The following MYO6 variants were observed in gnomAD, a reference collection of about 807,000 sequenced individuals.
The protein encoded by MYO6 is unconventional myosin-VI.
Under a neutral mutation model 178.7 loss-of-function variants are expected in MYO6, and 74 were observed. The observed-to-expected ratio is 0.41, with a 90% CI of 0.34 to 0.50. The LOEUF is 0.50. MYO6 is among the 20% of genes least tolerant of loss of function. The pLI, the probability that MYO6 is intolerant of heterozygous loss-of-function variation, is 0.09. For missense variants in MYO6, 1,330 were observed against 1,547.4 expected, an observed-to-expected ratio of 0.86 and a Z score of 2.36; for synonymous variants, 477 against 504.6, an observed-to-expected ratio of 0.95 and a Z score of 0.73.
chr6:75,916,721 G>GT lies in MYO6; in HGVS notation c.*1715dup, dbSNP rs1314020633. On this transcript the variant is annotated 3_prime_UTR_variant, in exon 35 of 35. Transcript: ENST00000369977. ...TTGAACAAAATTTAGTAGCCAAATT[G>GT]TTTTTTAATGACATGTCTCTTTAGT... 6.6e-6 allele frequency: 1 copy of GT among 152,208 alleles called. No individual in the cohort carries two copies. 9.4% of individuals were successfully genotyped at this position (152,208 alleles called of 1,614,324 possible).
At chr6:75,760,698 A>G (rs900467822) in intron 1 of MYO6, among the ~76,000 whole-genome samples, 7 of 151,682 alleles carry the variant, frequency 4.6e-5, no homozygotes, top group African/African-American at 1.5e-4. Context: ...AATCAACTGA[A>G]TAACACCTGT....
intron 20 of MYO6, among the ~76,000 whole-genome samples, chr6:75,878,028 A>C (rs925693752): frequency 6.6e-6 from 1 of 152,196 alleles, no homozygotes; most frequent in East Asian, 1.9e-4. Flanking sequence ...TCTTTCTCCA[A>C]GCAAAGCCTA....
intron 5 of MYO6, among the ~76,000 whole-genome samples, chr6:75,831,914 G>A (rs997608461): frequency 4.0e-5 from 6 of 151,222 alleles, no homozygotes; most frequent in Non-Finnish European, 5.9e-5. Context: ...AGAAAAAAGC[G>A]CTGCTGATAA....
chr6:75,882,845 G>A (rs1372676785), intron 23 of MYO6, among the ~76,000 whole-genome samples: 1 of 152,110 alleles, frequency 6.6e-6, no homozygotes, highest in Admixed American at 6.5e-5. Flanking sequence ...AAGGTGAAAT[G>A]CATAAACACA....
At chr6:75,911,615 T>A in intron 32 of MYO6, 57 bp from the exon 33 acceptor site, 5 of 1,452,018 alleles carry the variant, frequency 3.4e-6, no homozygotes, top group Non-Finnish European at 4.8e-6. Flanking sequence ...AGAAAAATGC[T>A]CATTTAACAG....
chr6:75,844,077 G>T (rs1346453136), intron 9 of MYO6, among the ~76,000 whole-genome samples: 2 of 152,002 alleles, frequency 1.3e-5, no homozygotes, highest in African/African-American at 4.8e-5. Flanking sequence ...ATGTCTTTAG[G>T]CTGTGTGTAA....
At position 75,916,403 on chromosome 6, in the gene MYO6, T is replaced by C. The variant is rs1781122112; in HGVS notation, c.*1391T>C. 2 of 152,630 alleles carry C rather than the reference T, an allele frequency of 1.3e-5. No individual in the cohort carries two copies. Among genetic ancestry groups the C allele is most frequent in the South Asian group, 2.1e-4 (1 of 4,832 alleles). 9.5% of individuals were successfully genotyped at this position (152,630 alleles called of 1,614,324 possible). Reference sequence around the variant, plus strand: ...TCTTCAGAATTGCTTCTCTCATGTCTTAGTAGAGAAATATTTATTTATTAT... The same window carrying C: ...TCTTCAGAATTGCTTCTCTCATGTCCTAGTAGAGAAATATTTATTTATTAT... On this transcript the variant is annotated 3_prime_UTR_variant, in exon 35 of 35. Transcript: ENST00000369977.
intron 1 of MYO6, among the ~76,000 whole-genome samples, chr6:75,808,191 C>T (rs1398718021): frequency 6.6e-6 from 1 of 152,116 alleles, no homozygotes; most frequent in African/African-American, 2.4e-5. Flanking sequence ...AATAAAATAC[C>T]ACAAACGTTT....
At chr6:75,905,189 GC>G (rs1329221657) in intron 30 of MYO6, among the ~76,000 whole-genome samples, 1 of 152,202 alleles carries the variant, frequency 6.6e-6, no homozygotes, top group East Asian at 1.9e-4. Context: ...GTTTGTCTAT[GC>G]CCTGCCCCCA....
chr6:75,828,323 A>T (rs1470529117), intron 3 of MYO6, among the ~76,000 whole-genome samples: 1 of 152,118 alleles, frequency 6.6e-6, no homozygotes, highest in African/African-American at 2.4e-5. Context: ...TTGAAAATTC[A>T]TTACTTAAAA....
At chr6:75,771,213 G>A (rs1765865896) in intron 1 of MYO6, among the ~76,000 whole-genome samples, 1 of 151,560 alleles carries the variant, frequency 6.6e-6, no homozygotes, top group Admixed American at 6.6e-5. Flanking sequence ...TGTTGTCCAG[G>A]CTTGTCTCAA....
intron 1 of MYO6, among the ~76,000 whole-genome samples, chr6:75,787,716 CTCTCTCTCTCTCTCTATATATATATA>C (rs1200930501): frequency 5.8e-5 from 3 of 51,670 alleles, no homozygotes; most frequent in Non-Finnish European, 1.1e-4. Context: ...CTCTCTCTCT[CTCTCTCTCTCTCTCTATATATATATA>C]TATATATATA....
chr6:75,887,090 T>C, intron 25 of MYO6, 96 bp downstream of exon 25: 1 of 1,193,562 alleles, frequency 8.4e-7, no homozygotes, highest in Non-Finnish European at 1.2e-6. Context: ...CCTTAGTTTT[T>C]CAAAATTACA....
intron 1 of MYO6, among the ~76,000 whole-genome samples, chr6:75,783,551 A>C (rs888124835): frequency 1.4e-5 from 2 of 145,070 alleles, no homozygotes; most frequent in South Asian, 4.3e-4. Context: ...GACATTTGAT[A>C]TCTTCTTTTT....
At chr6:75,770,418 T>G (rs1016652336) in intron 1 of MYO6, among the ~76,000 whole-genome samples, 1 of 152,188 alleles carries the variant, frequency 6.6e-6, no homozygotes, top group African/African-American at 2.4e-5. Flanking sequence ...TGTTGTTTAT[T>G]ATATATAGTA....
intron 2 of MYO6, among the ~76,000 whole-genome samples, 156 bp downstream of exon 2, chr6:75,817,820 A>G (rs1187089472): frequency 6.6e-6 from 1 of 152,234 alleles, no homozygotes; most frequent in Non-Finnish European, 1.5e-5. Flanking sequence ...TGATTAAATC[A>G]GAGGTATGTG....
At chr6:75,761,730 T>C (rs1777970944) in intron 1 of MYO6, among the ~76,000 whole-genome samples, 1 of 150,794 alleles carries the variant, frequency 6.6e-6, no homozygotes, top group African/African-American at 2.5e-5. Flanking sequence ...GTCATGGACT[T>C]TAGTCCTGTT....
intron 30 of MYO6, among the ~76,000 whole-genome samples, chr6:75,900,341 C>T (rs1304327323): frequency 6.6e-6 from 1 of 152,182 alleles, no homozygotes; most frequent in Non-Finnish European, 1.5e-5. Context: ...AACTAGTTTA[C>T]AGTCCCACCA....
At chr6:75,830,606 A>G (rs1012510480) in intron 5 of MYO6, 61 bp downstream of exon 5, 73 of 1,513,132 alleles carry the variant, frequency 4.8e-5, no homozygotes, top group Non-Finnish European at 5.3e-5. Context: ...AATTTACTCA[A>G]TTTTTCTTTT....
Sources: allele counts gnomAD v4.1 joint callset (sites outside exome capture counted in the v4.1 genomes callset), GRCh38; gene constraint gnomAD v4.1.1; transcripts MANE v1.5; gene names NCBI Gene and HGNC (gene_info 2026-07-23, HGNC 2026-07-21).